The following COL20A1 variants were observed in gnomAD, a reference collection of about 807,000 sequenced individuals.
COL20A1 encodes the protein collagen type XX alpha 1 chain, also known as collagen alpha-1(XX) chain.
In COL20A1, 164 loss-of-function variants were observed where a neutral mutation model predicts 152.9. That is an observed-to-expected ratio of 1.07 (90% CI 0.94 to 1.22). The LOEUF is 1.22. Among genes scored for constraint, COL20A1 ranks in the 50% most tolerant of loss-of-function variants. COL20A1 has a pLI of 0.00. For synonymous variants in COL20A1, 864 were observed against 756.0 expected, an observed-to-expected ratio of 1.14 and a Z score of -2.34; for missense variants, 1,873 against 1,744.8, an observed-to-expected ratio of 1.07 and a Z score of -1.31.
chr20:63,316,548 C>T lies in COL20A1; in HGVS notation c.2525-5C>T. On this transcript the variant is annotated splice_region_variant and splice_polypyrimidine_tract_variant and intron_variant, in intron 20 of 35. Transcript: ENST00000358894. Reference sequence around the variant, plus strand: ...CGGTGCCCCTTCCCCCACCATCTTCCCCAGGGTTTGACCTGATGGTGGCCT... The same window carrying T: ...CGGTGCCCCTTCCCCCACCATCTTCTCCAGGGTTTGACCTGATGGTGGCCT... 6.3e-7 allele frequency: 1 copy of T among 1,587,530 alleles called. No individual in the cohort carries two copies. Among genetic ancestry groups the T allele is most frequent in the Non-Finnish European group, 8.6e-7 (1 of 1,167,784 alleles).
chr20:63,309,534 C>A (rs747040345), intron 9 of COL20A1, 37 bp downstream of exon 9: 5 of 1,458,016 alleles, frequency 3.4e-6, no homozygotes, highest in Admixed American at 5.0e-5. Flanking sequence ...CTGCAGCCCC[C>A]CCGGCTGCTT....
rs994651588 is a variant in COL20A1 at position 63,311,044 on chromosome 20, C to A, written c.1394-350C>A. On this transcript the variant is annotated intron_variant, in intron 11 of 35. Coordinates refer to ENST00000358894, the MANE Select transcript of COL20A1 (RefSeq NM_020882.4). This position sits in a 1 kb window ranked among gnomAD's most constrained non-coding sequence, Gnocchi z 4.4. ...ACCCGCCCCCCCAGCCACCCCAAGC[C>A]ACCTTCTGTCTCTGGATGTGCCTGT... Among the ~76,000 whole-genome samples the A allele has an allele frequency of 6.6e-6, 1 of 152,064 alleles. No individual in the cohort carries two copies. The highest frequency in any genetic ancestry group is 2.4e-5 in the African/African-American group (1 of 41,388).
chr20:63,315,255 G>A (rs566821282), intron 19 of COL20A1, 149 bp from the exon 20 acceptor site: 19 of 766,500 alleles, frequency 2.5e-5, no homozygotes, highest in Non-Finnish European at 4.0e-5. Flanking sequence ...CAGGCCTTGT[G>A]GGTGGCAGAT....
At position 63,312,822 on chromosome 20, in the gene COL20A1, T is replaced by A; in HGVS notation, c.1964T>A (p.Met655Lys). 1 of 1,562,528 alleles carries A rather than the reference T, an allele frequency of 6.4e-7. No individual in the cohort carries two copies. Among genetic ancestry groups the A allele is most frequent in the Non-Finnish European group, 8.7e-7 (1 of 1,153,252 alleles). Residue 655 changes from methionine to lysine, a missense_variant, in exon 16 of 36, where the codon ATG becomes AAG. Physicochemically the swap from Met to Lys is moderately conservative, Grantham distance 95 (BLOSUM62 -1). Coordinates refer to ENST00000358894, the MANE Select transcript of COL20A1 (RefSeq NM_020882.4). The stretch of plus-strand genomic sequence containing the variant: ...GCTCCCAGCCCAAGCCAGCTGTCCA[T>A]GACGGAGCTGCCAGGGGATGCAGTC... ...KKAPSPSQLS[M>K]TELPGDAVQL... is the part of the protein sequence containing the mutation.
intron 31 of COL20A1, chr20:63,327,677 G>A (rs1207251363): frequency 9.4e-6 from 5 of 530,520 alleles, no homozygotes; most frequent in East Asian, 3.2e-5. Flanking sequence ...ATCTCCCCTA[G>A]CACAAAATCT....
intron 1 of COL20A1, among the ~76,000 whole-genome samples, chr20:63,293,787 A>G (rs181353258): frequency 1.4e-3 from 208 of 151,456 alleles, no homozygotes; most frequent in African/African-American, 4.8e-3. Flanking sequence ...TCCCTGATTT[A>G]AGCCGGTGGC....
chr20:63,329,603 G>A lies in COL20A1; in HGVS notation c.3800G>A (p.Gly1267Asp). The A allele has an allele frequency of 1.2e-6, 2 of 1,609,392 alleles. No individual in the cohort carries two copies. The highest frequency in any genetic ancestry group is 1.3e-5 in the African/African-American group (1 of 75,010). ...CTCGCAGGGGAGCCTGGAGCTGTTG[G>A]TCAGATGGGCAGCCCTGGGCAGCAG... ...LEGRGEPGAV[G>D]QMGSPGQQGA... Residue 1267 changes from glycine (G) to aspartate (D), a missense_variant, in exon 35 of 36, where the codon GGT (glycine) becomes GAT (aspartate). By Grantham distance (94) the Gly-to-Asp change is moderately conservative. Transcript: ENST00000358894.
chr20:63,310,181 C>G (rs1601416999), intron 10 of COL20A1, among the ~76,000 whole-genome samples, 200 bp from the exon 11 acceptor site: 1 of 152,064 alleles, frequency 6.6e-6, no homozygotes, highest in South Asian at 2.1e-4. Context: ...AGCGCCTTCT[C>G]CCTTTGATTG....
At position 63,315,430 on chromosome 20, in the gene COL20A1, T is replaced by G. The variant is rs1347430928; in HGVS notation, c.2515T>G (p.Ser839Ala). 1 of 1,578,832 alleles carries G rather than the reference T, an allele frequency of 6.3e-7. No homozygotes were observed. The highest frequency in any genetic ancestry group is 1.3e-5 in the African/African-American group (1 of 74,478). ...CTGCCCAGCCCTCCGCCCTGACGGC[T>G]CCCTCCCAGGTGGGTCCTGCATGCC... is the stretch of plus-strand genomic sequence containing the variant. Reference protein sequence around the residue: ...TACPALRPDGSLPGFDLMVAF... With the variant: ...TACPALRPDGALPGFDLMVAF... The change falls in exon 20 of 36, where the codon TCC becomes GCC. Residue 839 changes from serine to alanine, a missense_variant. Transcript: ENST00000358894.
At chr20:63,310,650 C>A in intron 11 of COL20A1, 140 bp downstream of exon 11, 2 of 967,710 alleles carry the variant, frequency 2.1e-6, no homozygotes, top group Non-Finnish European at 3.0e-6. Context: ...CCCCAGCTTG[C>A]TGTGTGACCA....
rs2068335402 is a variant in COL20A1 at position 63,331,656 on chromosome 20, G to T, written c.*940G>T. ...CTTCTGGGCCTTGTGGCCCGTGGGG[G>T]TGATGTGGGAACTTCTACTTCCTTT... On this transcript the variant is annotated 3_prime_UTR_variant, in exon 36 of 36. Coordinates refer to ENST00000358894, the MANE Select transcript of COL20A1 (RefSeq NM_020882.4). The T allele has an allele frequency of 6.6e-6, 1 of 152,242 alleles. No individual in the cohort carries two copies. Among genetic ancestry groups the T allele is most frequent in the South Asian group, 2.1e-4 (1 of 4,826 alleles). 9.4% of individuals were successfully genotyped at this position (152,242 alleles called of 1,614,324 possible). A position where few individuals can be genotyped will look rare whatever the true frequency, so the allele number is the denominator to read the frequency against.
chr20:63,311,765 C>G lies in COL20A1; in HGVS notation c.1663+17C>G, dbSNP rs763585781. 1.3e-6 allele frequency: 2 copies of G among 1,582,106 alleles called. No individual in the cohort carries two copies. Among genetic ancestry groups the G allele is most frequent in the East Asian group, 4.6e-5 (2 of 43,868 alleles). On this transcript the variant is annotated intron_variant, in intron 13 of 35. Coordinates refer to ENST00000358894, the MANE Select transcript of COL20A1 (RefSeq NM_020882.4). The surrounding 1 kb of genome is among the most constrained non-coding windows in gnomAD (Gnocchi z 4.4). ...CCAGGACCCGTGAGTGCTCCAACCC[C>G]GGCTGCCTGCCCACAGGCGGGTGCC...
chr20:63,305,789 A>G lies in COL20A1; in HGVS notation c.338-92A>G. ...CCAGGCTCCTGGGCCCTCAGCACCCACAGATGCGCCCTTGAAGGGGTGTAT... is the reference window on the plus strand; with the variant it reads ...CCAGGCTCCTGGGCCCTCAGCACCCGCAGATGCGCCCTTGAAGGGGTGTAT... On this transcript the variant is annotated intron_variant, in intron 4 of 35. Transcript: ENST00000358894. This position sits in a 1 kb window ranked among gnomAD's most constrained non-coding sequence, Gnocchi z 4.9. 2 of 1,360,916 alleles carry G rather than the reference A, an allele frequency of 1.5e-6. No homozygotes were observed. The highest frequency in any genetic ancestry group is 2.1e-6 in the Non-Finnish European group (2 of 972,686). The allele number at this position is 1,360,916 out of a possible 1,614,324, so 84.3% of individuals were successfully genotyped here. A position where few individuals can be genotyped will look rare whatever the true frequency, so the allele number is the denominator to read the frequency against.
chr20:63,297,847 C>G (rs1240127567), intron 2 of COL20A1, 63 bp from the exon 3 acceptor site: 1 of 1,316,236 alleles, frequency 7.6e-7, no homozygotes, highest in South Asian at 1.2e-5. Flanking sequence ...CCTGTACCCC[C>G]ACAGCTGATT....
rs1026642652 is a variant in COL20A1, at chr20:63,306,560, C to T, written c.496+521C>T. On this transcript the variant is annotated intron_variant, in intron 5 of 35. Coordinates refer to ENST00000358894, the MANE Select transcript of COL20A1 (RefSeq NM_020882.4). The surrounding 1 kb of genome is among the most constrained non-coding windows in gnomAD (Gnocchi z 6.9). ...GAGTGGGATCAGGAGCAGAGCTGGT[C>T]CGGGGGCCCTGGAGGGAGGGCCCTG... Among the ~76,000 whole-genome samples the T allele has an allele frequency of 1.3e-5, 2 of 152,048 alleles. No homozygotes were observed. Among genetic ancestry groups the T allele is most frequent in the Admixed American group, 1.3e-4 (2 of 15,286 alleles).
In COL20A1 at chr20:63,319,481, T is replaced by G. The variant is rs1467330576; in HGVS notation, c.2807-6T>G. 2 of 1,560,998 alleles carry G rather than the reference T, an allele frequency of 1.3e-6. No homozygotes were observed. Among genetic ancestry groups the G allele is most frequent in the South Asian group, 2.4e-5 (2 of 84,806 alleles). Reference sequence around the variant, plus strand: ...GTTCTCACCTGCTCCACCCCTTCCCTGGCAGCCGGGAAGAAGTCCCTGACC... The same window carrying G: ...GTTCTCACCTGCTCCACCCCTTCCCGGGCAGCCGGGAAGAAGTCCCTGACC... On this transcript the variant is annotated splice_polypyrimidine_tract_variant and splice_region_variant and intron_variant, in intron 22 of 35. Transcript: ENST00000358894. This position sits in a 1 kb window ranked among gnomAD's most constrained non-coding sequence, Gnocchi z 4.4.
chr20:63,322,173 C>A, intron 27 of COL20A1, 62 bp downstream of exon 27: 1 of 1,293,952 alleles, frequency 7.7e-7, no homozygotes, highest in Non-Finnish European at 1.0e-6. Flanking sequence ...AAGAGAACAC[C>A]CCTCCCAGTG....
chr20:63,320,609 T>G (rs1305510459), intron 25 of COL20A1, among the ~76,000 whole-genome samples: 2 of 152,246 alleles, frequency 1.3e-5, no homozygotes, highest in African/African-American at 4.8e-5. Context: ...CATGCCCACC[T>G]CTGTGGGCCC....
At position 63,315,450 on chromosome 20, in the gene COL20A1, C is replaced by T. The variant is rs748780667; in HGVS notation, c.2524+11C>T. ...ACGGCTCCCTCCCAGGTGGGTCCTG[C>T]ATGCCCTCCCCTGCCTGCCCACCCA... On this transcript the variant is annotated intron_variant, in intron 20 of 35. Transcript: ENST00000358894. 6.4e-7 allele frequency: 1 copy of T among 1,566,210 alleles called. No individual in the cohort carries two copies. Among genetic ancestry groups the T allele is most frequent in the South Asian group, 1.2e-5 (1 of 85,388 alleles).
Sources: allele counts gnomAD v4.1 joint callset (sites outside exome capture counted in the v4.1 genomes callset), GRCh38; gene constraint gnomAD v4.1.1; non-coding constraint Gnocchi (gnomAD v3.1); transcripts MANE v1.5; gene names NCBI Gene and HGNC (gene_info 2026-07-23, HGNC 2026-07-21).